ARSI: variants seen among roughly 807,000 people sequenced by gnomAD.
ARSI encodes the protein arylsulfatase family member I.
ARSI carries 37 observed loss-of-function variants against 42.1 expected under a neutral mutation model. The observed-to-expected ratio is 0.88, with a 90% CI of 0.68 to 1.16. The LOEUF (loss-of-function observed/expected upper bound fraction) is 1.16. Ranked by LOEUF, ARSI falls within the 50% of genes most tolerant of loss-of-function variation. ARSI has a pLI of 0.00. For missense variants in ARSI, 725 were observed against 790.1 expected (o/e 0.92, Z 0.99); for synonymous variants, 305 against 320.3 (o/e 0.95, Z 0.51).
In ARSI at chr5:150,296,542, G is replaced by T. The variant is rs1483899495; in HGVS notation, c.*672C>A. Reference sequence around the variant, plus strand: ...GGTACTGGTTTGGGGGCTCTTCACAGCTCTTTCTACCACCCTTGGTGCTGC... The same window carrying T: ...GGTACTGGTTTGGGGGCTCTTCACATCTCTTTCTACCACCCTTGGTGCTGC... On this transcript the variant is annotated 3_prime_UTR_variant, in exon 2 of 2. Transcript: ENST00000328668. The T allele has an allele frequency of 6.6e-6, 1 of 152,320 alleles. No individual in the cohort carries two copies. Among genetic ancestry groups the T allele is most frequent in the African/African-American group, 2.4e-5 (1 of 41,474 alleles). 9.4% of individuals were successfully genotyped at this position (152,320 alleles called of 1,614,324 possible). A position where few individuals can be genotyped will look rare whatever the true frequency, so the allele number is the denominator to read the frequency against.
chr5:150,300,180 A>C (rs1757895755), intron 1 of ARSI, among the ~76,000 whole-genome samples: 1 of 152,212 alleles, frequency 6.6e-6, no homozygotes, highest in Non-Finnish European at 1.5e-5. Flanking sequence ...AGCTCTAATT[A>C]GCTACTACTG....
Position 150,300,647 on chromosome 5 carries a change from G to A in ARSI, c.311+1416C>T, listed in dbSNP as rs187170724. On this transcript the variant is annotated intron_variant, in intron 1 of 1. Transcript: ENST00000328668. ...ACTGGATGTGTTAACAAACACTAAC[G>A]AGGGCTGTAAGCATCAATGAGATGG... 1.0e-3 allele frequency among the ~76,000 whole-genome samples: 159 copies of A among 152,306 alleles called. 1 individual carries two copies. The highest frequency in any genetic ancestry group is 2.3e-3 in the African/African-American group (94 of 41,552).
rs148519839 is a variant in ARSI at position 150,297,682 on chromosome 5, G to A, written c.1242C>T (p.Ala414=). ...LEGGFGIWNT[A]VQAAIRVGEW... ...CACCCACGCGGATGGCAGCCTGCAC[G>A]GCGGTGTTCCAGATGCCAAAGCCGC... Residue 414 remains alanine (A), a synonymous_variant, in exon 2 of 2, where the codon GCC becomes GCT. Coordinates refer to ENST00000328668, the MANE Select transcript of ARSI (RefSeq NM_001012301.4). This position sits in a 1 kb window ranked among gnomAD's most constrained non-coding sequence, Gnocchi z 7.0. 2.4e-3 allele frequency: 3,924 copies of A among 1,613,458 alleles called. 6 individuals are homozygous for A. Among genetic ancestry groups the A allele is most frequent in the Non-Finnish European group, 3.2e-3 (3,751 of 1,180,024 alleles).
intron 1 of ARSI, among the ~76,000 whole-genome samples, chr5:150,300,638 A>G (rs898534118): frequency 2.6e-5 from 4 of 152,180 alleles, no homozygotes; most frequent in African/African-American, 7.2e-5. Flanking sequence ...TGTGTTAACA[A>G]ACACTAACGA....
chr5:150,297,282 A>C lies in ARSI; in HGVS notation c.1642T>G (p.Cys548Gly). Residue 548 changes from cysteine (C) to glycine (G), a missense_variant, in exon 2 of 2, where the codon TGC becomes GGC. Physicochemically the swap from Cys to Gly is radical, Grantham distance 159 (BLOSUM62 -3). Transcript: ENST00000328668. This position sits in a 1 kb window ranked among gnomAD's most constrained non-coding sequence, Gnocchi z 7.0. ...AAGGATCGAAGCTTGCAAATCTTGC[A>C]TTTTTTCTTGCGACGACCCCGGGAG... Reference protein sequence around the residue: ...SFSRGRRKKKCKICKLRSFFR... With the variant: ...SFSRGRRKKKGKICKLRSFFR... 6.2e-7 allele frequency: 1 copy of C among 1,607,786 alleles called. No individual in the cohort carries two copies. Among genetic ancestry groups the C allele is most frequent in the Non-Finnish European group, 8.5e-7 (1 of 1,177,496 alleles).
In ARSI at chr5:150,297,352, GGCC is replaced by G; in HGVS notation, c.1569_1571del (p.Trp523_Ala524delinsCys). On this transcript the variant is annotated inframe_deletion, in exon 2 of 2. Coordinates refer to ENST00000328668, the MANE Select transcript of ARSI (RefSeq NM_001012301.4). The surrounding 1 kb of genome is among the most constrained non-coding windows in gnomAD (Gnocchi z 7.0). ...CCTCTTCCTCCTCTTCCTCATCACTGGCCCAGGGCCCCCAAGCACCCCCATTAA... is the reference window on the plus strand; with the variant it reads ...CCTCTTCCTCCTCTTCCTCATCACTGCAGGGCCCCCAAGCACCCCCATTAA... The G allele has an allele frequency of 1.2e-6, 2 of 1,613,406 alleles. No individual in the cohort carries two copies. The highest frequency in any genetic ancestry group is 1.7e-6 in the Non-Finnish European group (2 of 1,179,736).
intron 1 of ARSI, among the ~76,000 whole-genome samples, chr5:150,299,352 G>A (rs1009177948): frequency 1.3e-5 from 2 of 152,096 alleles, no homozygotes; most frequent in African/African-American, 2.4e-5. Context: ...ACACACCATC[G>A]TTTTCTTACT....
At position 150,296,453 on chromosome 5, in the gene ARSI, T is replaced by G. The variant is rs1251951354; in HGVS notation, c.*761A>C. 1 of 152,178 alleles carries G rather than the reference T, an allele frequency of 6.6e-6. No homozygotes were observed. Among genetic ancestry groups the G allele is most frequent in the Non-Finnish European group, 1.5e-5 (1 of 68,036 alleles). 9.4% of individuals were successfully genotyped at this position (152,178 alleles called of 1,614,324 possible). A position where few individuals can be genotyped will look rare whatever the true frequency, so the allele number is the denominator to read the frequency against. On this transcript the variant is annotated 3_prime_UTR_variant, in exon 2 of 2. Transcript: ENST00000328668. The stretch of plus-strand genomic sequence containing the variant: ...CAGGGCTGGCATCCCCACTTGCAGG[T>G]GGGGAAATCAAGGCCTAGAGGGCAA...
At position 150,302,131 on chromosome 5, in the gene ARSI, C is replaced by A. The variant is rs760802512; in HGVS notation, c.243G>T (p.Gly81=). The change falls in exon 1 of 2, where the codon GGG becomes GGT. Residue 81 remains glycine (G), a synonymous_variant. Coordinates refer to ENST00000328668, the MANE Select transcript of ARSI (RefSeq NM_001012301.4). This position sits in a 1 kb window ranked among gnomAD's most constrained non-coding sequence, Gnocchi z 6.1. ...TPTLDRLAAK[G]VKLENYYIQP... is the part of the protein sequence containing the mutation. ...GGATGTAATAATTCTCCAACTTGAC[C>A]CCCTTGGCCGCCAGCCTGTCCAGCG... The A allele has an allele frequency of 6.8e-6, 11 of 1,612,506 alleles. No homozygotes were observed. The highest frequency in any genetic ancestry group is 9.3e-6 in the Non-Finnish European group (11 of 1,179,576).
In ARSI at chr5:150,302,112, A is replaced by T; in HGVS notation, c.262T>A (p.Tyr88Asn). 6.2e-7 allele frequency: 1 copy of T among 1,609,852 alleles called. No individual in the cohort carries two copies. The highest frequency in any genetic ancestry group is 8.5e-7 in the Non-Finnish European group (1 of 1,178,468). ...GAAGGCGTGCAGATGGGCTGGATGT[A>T]ATAATTCTCCAACTTGACCCCCTTG... The part of the protein sequence containing the change: ...AAKGVKLENY[Y>N]IQPICTPSRS... The change falls in exon 1 of 2, where the codon TAC becomes AAC. Residue 88 changes from tyrosine to asparagine, a missense_variant. Transcript: ENST00000328668. This position sits in a 1 kb window ranked among gnomAD's most constrained non-coding sequence, Gnocchi z 6.1.
Position 150,302,396 on chromosome 5 carries a change from C to T in ARSI, c.-23G>A. The T allele has an allele frequency of 7.1e-7, 1 of 1,411,030 alleles. No individual in the cohort carries two copies. The highest frequency in any genetic ancestry group is 9.2e-7 in the Non-Finnish European group (1 of 1,084,274). 87.4% of individuals were successfully genotyped at this position (1,411,030 alleles called of 1,614,324 possible). A position where few individuals can be genotyped will look rare whatever the true frequency, so the allele number is the denominator to read the frequency against. Reference sequence around the variant, plus strand: ...CATCGCCAAGCCGGCCCGCGCGTCCCGGCGCGCCGGGCTCCTGGGGCCTCA... The same window carrying T: ...CATCGCCAAGCCGGCCCGCGCGTCCTGGCGCGCCGGGCTCCTGGGGCCTCA... On this transcript the variant is annotated 5_prime_UTR_variant, in exon 1 of 2. Transcript: ENST00000328668. This position sits in a 1 kb window ranked among gnomAD's most constrained non-coding sequence, Gnocchi z 6.1.
rs146638274 is a variant in ARSI at position 150,297,826 on chromosome 5, A to G, written c.1098T>C (p.Asp366=). The change falls in exon 2 of 2, where the codon GAT becomes GAC. Residue 366 remains aspartate, a synonymous_variant. Coordinates refer to ENST00000328668, the MANE Select transcript of ARSI (RefSeq NM_001012301.4). This position sits in a 1 kb window ranked among gnomAD's most constrained non-coding sequence, Gnocchi z 7.0. ...GLAGGTTSAA[D]GLDGYDVWPA... ...GCCACACGTCGTAGCCATCTAGCCC[A>G]TCGGCTGCTGAGGTGGTACCACCTG... The G allele has an allele frequency of 4.8e-5, 77 of 1,608,876 alleles. 1 individual carries two copies. The South Asian group carries it at 5.8e-4, about 12-fold the overall frequency.
intron 1 of ARSI, 106 bp downstream of exon 1, chr5:150,301,957 G>A (rs976703157): frequency 3.2e-6 from 4 of 1,237,304 alleles, no homozygotes; most frequent in Non-Finnish European, 4.4e-6. Context: ...CAGCCAACAG[G>A]AGATTTCCCA....
chr5:150,297,548 C>T lies in ARSI; in HGVS notation c.1376G>A (p.Arg459His), dbSNP rs140478189. 4.3e-5 allele frequency: 69 copies of T among 1,612,582 alleles called. 1 individual carries two copies. Among genetic ancestry groups the T allele is most frequent in the East Asian group, 2.0e-4 (9 of 44,876 alleles). Reference sequence around the variant, plus strand: ...GATGTTGAAGAGCCACACGGCCTGGCGGACACTGGCCATTCGTTCCAGGTT... The same window carrying T: ...GATGTTGAAGAGCCACACGGCCTGGTGGACACTGGCCATTCGTTCCAGGTT... ...WWNLERMASV[R>H]QAVWLFNISA... is the part of the protein sequence containing the mutation. Residue 459 changes from arginine to histidine, a missense_variant, in exon 2 of 2, where the codon CGC (arginine) becomes CAC (histidine). Transcript: ENST00000328668. This position sits in a 1 kb window ranked among gnomAD's most constrained non-coding sequence, Gnocchi z 7.0.
At position 150,302,033 on chromosome 5, in the gene ARSI, C is replaced by T. The variant is rs778251975; in HGVS notation, c.311+30G>A. 5 of 1,534,194 alleles carry T rather than the reference C, an allele frequency of 3.3e-6. No individual in the cohort carries two copies. Among genetic ancestry groups the T allele is most frequent in the Non-Finnish European group, 4.4e-6 (5 of 1,137,686 alleles). ...ACTGGGTTGATTTGGGGTTTAGATG[C>T]CCAGCCCCGGGGCCTTGAGCCACGC... is the stretch of plus-strand genomic sequence containing the variant. On this transcript the variant is annotated intron_variant, in intron 1 of 1. Transcript: ENST00000328668. The surrounding 1 kb of genome is among the most constrained non-coding windows in gnomAD (Gnocchi z 6.1).
In ARSI at chr5:150,302,194, G is replaced by A. The variant is rs1050927481; in HGVS notation, c.180C>T (p.His60=). The A allele has an allele frequency of 1.2e-6, 2 of 1,614,006 alleles. No individual in the cohort carries two copies. The highest frequency in any genetic ancestry group is 1.3e-5 in the African/African-American group (1 of 75,054). Residue 60 remains histidine (H), a synonymous_variant, in exon 1 of 2, where the codon CAC becomes CAT. Coordinates refer to ENST00000328668, the MANE Select transcript of ARSI (RefSeq NM_001012301.4). This position sits in a 1 kb window ranked among gnomAD's most constrained non-coding sequence, Gnocchi z 6.1. ...TATCTGAACCATGGTAGCCCACGTC[G>A]TGGTAGCCTTGGTCGTCCGTGAGGA... The part of the protein sequence containing the change: ...IFILTDDQGY[H]DVGYHGSDIE...
Position 150,298,234 on chromosome 5 carries a change from G to A in ARSI, c.690C>T (p.Phe230=), listed in dbSNP as rs762566094. Residue 230 remains phenylalanine (F), a synonymous_variant, in exon 2 of 2, where the codon TTC becomes TTT. Coordinates refer to ENST00000328668, the MANE Select transcript of ARSI (RefSeq NM_001012301.4). Reference sequence around the variant, plus strand: ...GTACTGCCTGGAAGGCCACATAGAGGAAGAGGGGACGCTGAGGGCTGTGGC... The same window carrying A: ...GTACTGCCTGGAAGGCCACATAGAGAAAGAGGGGACGCTGAGGGCTGTGGC... ...LASHSPQRPL[F]LYVAFQAVHT... is the part of the protein sequence containing the mutation. The A allele has an allele frequency of 5.6e-6, 9 of 1,614,206 alleles. No homozygotes were observed. The East Asian group carries it at 8.9e-5, about 16-fold the overall frequency.
rs570293999 is a variant in ARSI at position 150,297,897 on chromosome 5, C to T, written c.1027G>A (p.Ala343Thr). Residue 343 changes from alanine to threonine, a missense_variant, in exon 2 of 2, where the codon GCA (alanine) becomes ACA (threonine). Physicochemically the swap from Ala to Thr is moderately conservative, Grantham distance 58 (BLOSUM62 0). Coordinates refer to ENST00000328668, the MANE Select transcript of ARSI (RefSeq NM_001012301.4). The surrounding 1 kb of genome is among the most constrained non-coding windows in gnomAD (Gnocchi z 7.0). The stretch of plus-strand genomic sequence containing the variant: ...TACCAGTCAGTGATGTGCATCAGTG[C>T]CCGGCTTGTCCGTTGCTTTCGCTTG... ...LLKRKQRTSR[A>T]LMHITDWYPT... The T allele has an allele frequency of 2.5e-6, 4 of 1,612,150 alleles. No individual in the cohort carries two copies. The highest frequency in any genetic ancestry group is 1.3e-5 in the African/African-American group (1 of 75,036).
rs1016170634 is a variant in ARSI at position 150,302,535 on chromosome 5, T to A, written c.-162A>T. ...GGTCCGGGACTGGCTGCCGGACGGC[T>A]GGGCCGGATCTGCTCGGCCGCAGCG... is the stretch of plus-strand genomic sequence containing the variant. On this transcript the variant is annotated 5_prime_UTR_variant, in exon 1 of 2. Transcript: ENST00000328668. The surrounding 1 kb of genome is among the most constrained non-coding windows in gnomAD (Gnocchi z 6.1). 1 of 512,850 alleles carries A rather than the reference T, an allele frequency of 1.9e-6. No homozygotes were observed. Among genetic ancestry groups the A allele is most frequent in the Non-Finnish European group, 3.1e-6 (1 of 325,616 alleles). 31.8% of individuals were successfully genotyped at this position (512,850 alleles called of 1,614,324 possible). A position where few individuals can be genotyped will look rare whatever the true frequency, so the allele number is the denominator to read the frequency against.
Sources: allele counts gnomAD v4.1 joint callset (sites outside exome capture counted in the v4.1 genomes callset), GRCh38; gene constraint gnomAD v4.1.1; non-coding constraint Gnocchi (gnomAD v3.1); transcripts MANE v1.5; gene names NCBI Gene and HGNC (gene_info 2026-07-23, HGNC 2026-07-21).